AVIL: variants seen among roughly 807,000 people sequenced by gnomAD.
AVIL encodes advillin.
Under a neutral mutation model 109.9 loss-of-function variants are expected in AVIL, and 78 were observed. The ratio of observed to expected loss-of-function variants is 0.71; its 90% CI spans 0.59 to 0.86. The LOEUF (loss-of-function observed/expected upper bound fraction) is 0.86, where lower values mean the gene tolerates loss of function less well. AVIL is among the 40% of genes least tolerant of loss of function. The pLI is 0.00. For missense variants in AVIL, 892 were observed against 1,016.5 expected, an observed-to-expected ratio of 0.88 and a Z score of 1.67; for synonymous variants, 367 against 379.1, an observed-to-expected ratio of 0.97 and a Z score of 0.37.
intron 3 of AVIL, among the ~76,000 whole-genome samples, 189 bp from the exon 4 acceptor site, chr12:57,813,612 C>A (rs1410207680): frequency 1.3e-5 from 2 of 152,200 alleles, no homozygotes; most frequent in Admixed American, 6.5e-5. Context: ...CTTTGGCAGC[C>A]CAAATTCCTC....
chr12:57,813,219 C>G lies in AVIL; in HGVS notation c.338+8G>C, dbSNP rs766305302. On this transcript the variant is annotated splice_region_variant and intron_variant, in intron 4 of 19. Transcript: ENST00000549994. ...GTTTCTGTCCTTGCTCTGTGCACCC[C>G]TACTCACATGATGCCCTGCTTGAAG... is the stretch of plus-strand genomic sequence containing the variant. 3 of 1,609,630 alleles carry G rather than the reference C, an allele frequency of 1.9e-6. No individual in the cohort carries two copies. The highest frequency in any genetic ancestry group is 2.5e-6 in the Non-Finnish European group (3 of 1,176,624).
chr12:57,816,373 A>T (rs894225458), intron 1 of AVIL: 1 of 212,550 alleles, frequency 4.7e-6, no homozygotes, highest in Non-Finnish European at 9.5e-6. Context: ...TTCACTTTGC[A>T]TATGTTATCT....
intron 16 of AVIL, chr12:57,802,557 C>G: frequency 1.3e-6 from 1 of 741,072 alleles, no homozygotes. Context: ...TCTTCCAGGT[C>G]TGCCTTTCCA....
intron 9 of AVIL, 118 bp from the exon 10 acceptor site, chr12:57,808,666 A>G (rs1955991498): frequency 2.4e-6 from 3 of 1,238,284 alleles, no homozygotes; most frequent in African/African-American, 3.0e-5. Flanking sequence ...TCTGGGAGTC[A>G]GAGTCAAATT....
rs550823463 is a variant in AVIL, at chr12:57,806,291, T to A, written c.1671+69A>T. 12 of 1,567,682 alleles carry A rather than the reference T, an allele frequency of 7.7e-6. No homozygotes were observed. The African/African-American group carries it at 1.5e-4, about 19-fold the overall frequency. On this transcript the variant is annotated intron_variant, in intron 14 of 19. Coordinates refer to ENST00000549994, the MANE Select transcript of AVIL (RefSeq NM_006576.4). ...CCTACTCTAGGTCCTTTGACCTTGCTGACAGGAGGAGGGGAGTGCAGGTCT... is the reference window on the plus strand; with the variant it reads ...CCTACTCTAGGTCCTTTGACCTTGCAGACAGGAGGAGGGGAGTGCAGGTCT...
In AVIL at chr12:57,806,450, T is replaced by A; in HGVS notation, c.1581A>T (p.Ala527=). The change falls in exon 14 of 20, where the codon GCA becomes GCT. Residue 527 remains alanine (A), a synonymous_variant. Transcript: ENST00000549994. ...IHGNDKSNTK[A]VEVPAFASSL... The stretch of plus-strand genomic sequence containing the variant: ...AGGAGGCAAAGGCTGGAACTTCCAC[T>A]GCTTTGGTGTTAGATTTGTCATTTC... 1 of 1,614,154 alleles carries A rather than the reference T, an allele frequency of 6.2e-7. No homozygotes were observed. The highest frequency in any genetic ancestry group is 8.5e-7 in the Non-Finnish European group (1 of 1,180,036).
chr12:57,816,903 C>G (rs930123649), intron 1 of AVIL, among the ~76,000 whole-genome samples: 3 of 151,898 alleles, frequency 2.0e-5, no homozygotes, highest in Admixed American at 6.6e-5. Flanking sequence ...CTTTTTCCCT[C>G]CCACACAGAC....
At chr12:57,798,175 A>C (rs1955773981) in intron 19 of AVIL, among the ~76,000 whole-genome samples, 180 bp from the exon 20 acceptor site, 1 of 152,236 alleles carries the variant, frequency 6.6e-6, no homozygotes, top group Non-Finnish European at 1.5e-5. Flanking sequence ...TCTTCAGGTC[A>C]GGGAGTCCCA....
At chr12:57,811,933 C>T (rs577027458) in intron 4 of AVIL, among the ~76,000 whole-genome samples, 30 of 152,318 alleles carry the variant, frequency 2.0e-4, no homozygotes, top group Admixed American at 6.5e-4. Flanking sequence ...CATTCCTCTC[C>T]CCAATACGCT....
In AVIL at chr12:57,816,600, A is replaced by T. The variant is rs1477015294; in HGVS notation, c.-19-541T>A. On this transcript the variant is annotated intron_variant, in intron 1 of 19. Transcript: ENST00000549994. ...AGCTAGTCAGAAAAAATATTTCCAAACTCAGTTGCCTTCTCTCACTCTCAT... is the reference window on the plus strand; with the variant it reads ...AGCTAGTCAGAAAAAATATTTCCAATCTCAGTTGCCTTCTCTCACTCTCAT... The T allele has an allele frequency of 2.0e-5, 3 of 151,260 alleles. No individual in the cohort carries two copies. The East Asian group carries it at 5.8e-4, about 29-fold the overall frequency. The allele number at this position is 151,260 out of a possible 1,614,324, so 9.4% of individuals were successfully genotyped here.
chr12:57,806,106 A>G, intron 14 of AVIL: 1 of 381,178 alleles, frequency 2.6e-6, no homozygotes, highest in Non-Finnish European at 4.6e-6. Flanking sequence ...AAGTGCTAGG[A>G]TTACAGGGAT....
At chr12:57,810,221 GA>G in intron 7 of AVIL, 127 bp downstream of exon 7, 1 of 1,010,956 alleles carries the variant, frequency 9.9e-7, no homozygotes, top group Non-Finnish European at 1.4e-6. Flanking sequence ...AGCTGCATTT[GA>G]AAAGGACTAA....
chr12:57,812,267 C>G (rs1956047555), intron 4 of AVIL, among the ~76,000 whole-genome samples: 1 of 152,240 alleles, frequency 6.6e-6, no homozygotes, highest in African/African-American at 2.4e-5. Context: ...CTCTTGGGCT[C>G]AAGCTATCCT....
intron 17 of AVIL, among the ~76,000 whole-genome samples, chr12:57,801,607 G>T (rs970998219): frequency 1.3e-5 from 2 of 152,164 alleles, no homozygotes; most frequent in African/African-American, 4.8e-5. Flanking sequence ...GGGCATGGTG[G>T]TGCATGCCTA....
At position 57,811,072 on chromosome 12, in the gene AVIL, C is replaced by T. The variant is rs529665441; in HGVS notation, c.394G>A (p.Asp132Asn). ...TTCACATGTAGCAGCCGCTTCACGT[C>T]GTAGGTATTGGTCTCCACGTGCTTC... ...GMKHVETNTY[D>N]VKRLLHVKGK... Residue 132 changes from aspartate to asparagine, a missense_variant, in exon 5 of 20, where the codon GAC (aspartate) becomes AAC (asparagine). Asp to Asn is a conservative substitution (Grantham distance 23). Coordinates refer to ENST00000549994, the MANE Select transcript of AVIL (RefSeq NM_006576.4). 1.2e-5 allele frequency: 20 copies of T among 1,614,156 alleles called. No homozygotes were observed. The highest frequency in any genetic ancestry group is 3.3e-5 in the Admixed American group (2 of 60,016).
At chr12:57,813,734 G>T (rs1482254008) in intron 3 of AVIL, among the ~76,000 whole-genome samples, 5 of 152,180 alleles carry the variant, frequency 3.3e-5, no homozygotes, top group Non-Finnish European at 7.3e-5. Context: ...TTGGTCCCTT[G>T]CACTCACACA....
chr12:57,814,044 G>T, intron 3 of AVIL, 108 bp downstream of exon 3: 1 of 1,182,234 alleles, frequency 8.5e-7, no homozygotes, highest in Non-Finnish European at 1.2e-6. Context: ...GAACCATTGA[G>T]ACCGATACCA....
rs753128516 is a variant in AVIL, at chr12:57,802,346, C to CA, written c.1964dup (p.Phe656ValfsTer7). ...TGGCCTCAGCCCCAATCCACAAGAA[C>CA]ACCTGTTAAGGTGGAGATTTAATAT... is the stretch of plus-strand genomic sequence containing the variant. On this transcript the variant is annotated frameshift_variant and splice_region_variant, in exon 17 of 20. Transcript: ENST00000549994. LOFTEE classifies it high-confidence loss of function. 1.0e-4 allele frequency: 163 copies of CA among 1,609,454 alleles called. No homozygotes were observed. The highest frequency in any genetic ancestry group is 5.0e-4 in the Middle Eastern group (3 of 6,056).
At chr12:57,802,373 T>C (rs949337469) in intron 16 of AVIL, 25 bp from the exon 17 acceptor site, 2 of 1,584,496 alleles carry the variant, frequency 1.3e-6, no homozygotes, top group Admixed American at 3.6e-5. Context: ...ATTTAATATA[T>C]GTTACTGTGT....
Sources: allele counts gnomAD v4.1 joint callset (sites outside exome capture counted in the v4.1 genomes callset), GRCh38; gene constraint gnomAD v4.1.1; transcripts MANE v1.5; gene names NCBI Gene and HGNC (gene_info 2026-07-23, HGNC 2026-07-21).